MAPKBP1: variants seen among roughly 807,000 people sequenced by gnomAD.
MAPKBP1 encodes mitogen-activated protein kinase binding protein 1, also known as mitogen-activated protein kinase-binding protein 1.
A neutral mutation model predicts 170.5 loss-of-function variants in MAPKBP1; 71 were observed. The ratio of observed to expected loss-of-function variants is 0.42; its 90% confidence interval spans 0.34 to 0.51. The LOEUF is 0.51. Ranked by LOEUF, MAPKBP1 falls within the 20% of genes least tolerant of loss-of-function variation. The pLI, the probability that MAPKBP1 is intolerant of heterozygous loss-of-function variation, is 0.06. For missense variants in MAPKBP1, 1,598 were observed against 1,933.0 expected (o/e 0.83, Z 3.25); for synonymous variants, 719 against 757.9 (o/e 0.95, Z 0.84).
At chr15:41,816,439 T>G (rs749257053) in intron 12 of MAPKBP1, 120 bp from the exon 13 acceptor site, 4 of 651,356 alleles carry the variant, frequency 6.1e-6, no homozygotes, top group Non-Finnish European at 8.1e-6. Flanking sequence ...TCAGCAACTT[T>G]TCTCTAAGCC....
chr15:41,811,344 C>T (rs1375047802), intron 5 of MAPKBP1, 109 bp downstream of exon 5: 1 of 1,210,186 alleles, frequency 8.3e-7, no homozygotes, highest in Non-Finnish European at 1.2e-6. Flanking sequence ...AAACAGACAC[C>T]AAATCCTGGT....
chr15:41,790,363 C>T (rs1213207210), intron 2 of MAPKBP1, among the ~76,000 whole-genome samples: 2 of 152,286 alleles, frequency 1.3e-5, no homozygotes, highest in South Asian at 2.1e-4. Flanking sequence ...CATTCAGAAT[C>T]TTGCAGTCAG....
intron 22 of MAPKBP1, among the ~76,000 whole-genome samples, chr15:41,820,163 A>G (rs979974701): frequency 1.3e-5 from 2 of 152,118 alleles, no homozygotes; most frequent in Non-Finnish European, 2.9e-5. Context: ...GGGGTGGCCA[A>G]AGGGGGATCA....
rs1215322463 is a variant in MAPKBP1 at position 41,826,822 on chromosome 15, A to AG, written c.*1390dup. ...TAATTAGGGGTGAGGGAAAGGAGAT[A>AG]GGGGACCCTAGGAGGTAGAGTGGGA... On this transcript the variant is annotated 3_prime_UTR_variant, in exon 31 of 31. Transcript: ENST00000457542. The AG allele has an allele frequency of 2.6e-5, 4 of 152,044 alleles. No homozygotes were observed. The highest frequency in any genetic ancestry group is 9.7e-5 in the African/African-American group (4 of 41,382). The allele number at this position is 152,044 out of a possible 1,614,324, so 9.4% of individuals were successfully genotyped here. A position where few individuals can be genotyped will look rare whatever the true frequency, so the allele number is the denominator to read the frequency against.
chr15:41,790,725 A>G (rs1356628955), intron 2 of MAPKBP1, among the ~76,000 whole-genome samples: 3 of 152,202 alleles, frequency 2.0e-5, no homozygotes, highest in African/African-American at 2.4e-5. Context: ...CAAACTGGGT[A>G]GAGACCAGGA....
At position 41,817,928 on chromosome 15, in the gene MAPKBP1, A is replaced by G; in HGVS notation, c.1905-81A>G. On this transcript the variant is annotated intron_variant, in intron 16 of 30. Transcript: ENST00000457542. The surrounding 1 kb of genome is among the most constrained non-coding windows in gnomAD (Gnocchi z 4.2). The stretch of plus-strand genomic sequence containing the variant: ...TAGCTCCCAGAGAGTGTAGACTGGG[A>G]GTGAAAGCTGGCATTTCCATCCCCC... 6.5e-7 allele frequency: 1 copy of G among 1,535,424 alleles called. No homozygotes were observed. Among genetic ancestry groups the G allele is most frequent in the East Asian group, 2.2e-5 (1 of 44,494 alleles).
intron 2 of MAPKBP1, among the ~76,000 whole-genome samples, chr15:41,787,377 TG>T (rs1451975404): frequency 8.3e-6 from 1 of 120,908 alleles, no homozygotes; most frequent in Non-Finnish European, 1.7e-5. Flanking sequence ...TATTTTTGGG[TG>T]GGGGGCAGGG....
intron 3 of MAPKBP1, among the ~76,000 whole-genome samples, chr15:41,803,664 A>G (rs919921366): frequency 2.0e-5 from 3 of 151,776 alleles, no homozygotes; most frequent in African/African-American, 7.3e-5. Context: ...GCAGTGAACT[A>G]TGATCGTGCC....
chr15:41,812,471 C>A (rs1161703163), intron 6 of MAPKBP1, 45 bp from the exon 7 acceptor site: 1 of 1,612,194 alleles, frequency 6.2e-7, no homozygotes, highest in South Asian at 1.1e-5. Flanking sequence ...GTCTTCTTAG[C>A]TCCAAGAGAC....
At chr15:41,825,078 T>A in intron 30 of MAPKBP1, 131 bp from the exon 31 acceptor site, 1 of 658,696 alleles carries the variant, frequency 1.5e-6, no homozygotes, top group Non-Finnish European at 2.6e-6. Flanking sequence ...TCCCTGGCCA[T>A]ACATGCTGAT....
intron 2 of MAPKBP1, among the ~76,000 whole-genome samples, chr15:41,784,700 T>G (rs2055834189): frequency 6.8e-6 from 1 of 147,706 alleles, no homozygotes; most frequent in Non-Finnish European, 1.5e-5. Context: ...GAGAATTGCT[T>G]GAATCCACAA....
At chr15:41,801,543 C>T (rs932899340) in intron 3 of MAPKBP1, among the ~76,000 whole-genome samples, 8 of 152,024 alleles carry the variant, frequency 5.3e-5, no homozygotes, top group Non-Finnish European at 7.4e-5. Context: ...TTTATCACCT[C>T]ATCAAAAAAG....
At chr15:41,791,599 G>A (rs911951772) in intron 2 of MAPKBP1, among the ~76,000 whole-genome samples, 5 of 152,220 alleles carry the variant, frequency 3.3e-5, no homozygotes, top group Admixed American at 1.3e-4. Context: ...CCTGCCCAGT[G>A]TCTAGGATTG....
At position 41,824,192 on chromosome 15, in the gene MAPKBP1, C is replaced by T. The variant is rs2065050933; in HGVS notation, c.4213+131C>T. 3 of 1,294,674 alleles carry T rather than the reference C, an allele frequency of 2.3e-6. No homozygotes were observed. The East Asian group carries it at 7.0e-5, about 30-fold the overall frequency. The allele number at this position is 1,294,674 out of a possible 1,614,324, so 80.2% of individuals were successfully genotyped here. A position where few individuals can be genotyped will look rare whatever the true frequency, so the allele number is the denominator to read the frequency against. ...TTTCTTGTCCTGTCTGCTCCTGTCG[C>T]AGGTCCGTAAGTCACACCCCTGATG... On this transcript the variant is annotated intron_variant, in intron 29 of 30. Coordinates refer to ENST00000457542, the MANE Select transcript of MAPKBP1 (RefSeq NM_014994.3).
Position 41,821,618 on chromosome 15 carries a change from C to T in MAPKBP1, c.2753C>T (p.Pro918Leu), listed in dbSNP as rs760018816. ...EKPPRPQASQPCSYPHIIRLL... is the reference protein window; with the variant it reads ...EKPPRPQASQLCSYPHIIRLL... ...CCCCCTCGGCCTCAGGCTTCCCAAC[C>T]TTGTTCCTATCCCCATATTATCCGA... Residue 918 changes from proline to leucine, a missense_variant, in exon 24 of 31, where the codon CCT (proline) becomes CTT (leucine). By Grantham distance (98) the Pro-to-Leu change is moderately conservative (BLOSUM62 -3). Coordinates refer to ENST00000457542, the MANE Select transcript of MAPKBP1 (RefSeq NM_014994.3). 2.5e-6 allele frequency: 4 copies of T among 1,614,038 alleles called. No homozygotes were observed. The highest frequency in any genetic ancestry group is 3.3e-5 in the Admixed American group (2 of 60,018).
chr15:41,796,158 G>T (rs976008928), intron 2 of MAPKBP1, among the ~76,000 whole-genome samples: 2 of 152,128 alleles, frequency 1.3e-5, no homozygotes, highest in African/African-American at 4.8e-5. Context: ...TGATTTCAGG[G>T]CCACTCGTTT....
chr15:41,820,459 G>A (rs905091389), intron 22 of MAPKBP1, among the ~76,000 whole-genome samples: 1 of 152,110 alleles, frequency 6.6e-6, no homozygotes, highest in Non-Finnish European at 1.5e-5. Flanking sequence ...TGCTGCTGGG[G>A]CTGTCCTCAG....
intron 2 of MAPKBP1, among the ~76,000 whole-genome samples, chr15:41,782,247 G>A (rs867264884): frequency 7.2e-6 from 1 of 138,828 alleles, no homozygotes; most frequent in African/African-American, 2.7e-5. Context: ...GGGAGATAGC[G>A]AGGCTCTGTC....
chr15:41,786,671 A>G (rs2064296794), intron 2 of MAPKBP1, among the ~76,000 whole-genome samples: 2 of 149,294 alleles, frequency 1.3e-5, no homozygotes, highest in African/African-American at 2.5e-5. Context: ...AGGCTGAGGC[A>G]AGAGAATGAC....
Sources: gnomAD v4.1 joint callset for allele counts (sites outside exome capture counted in the v4.1 genomes callset) on GRCh38, gnomAD v4.1.1 for gene constraint, Gnocchi (gnomAD v3.1) non-coding constraint, MANE v1.5 for transcripts, NCBI Gene and HGNC (gene_info 2026-07-23, HGNC 2026-07-21) for gene names.